SLC44A2: variants seen among roughly 807,000 people sequenced by gnomAD.
SLC44A2 encodes solute carrier family 44 member 2 (CTL2 blood group).
In SLC44A2, 57 loss-of-function variants were observed where a neutral mutation model predicts 90.8. The observed-to-expected ratio is 0.63, with a 90% confidence interval of 0.51 to 0.78. The LOEUF is 0.78. SLC44A2 is among the 30% of genes least tolerant of loss of function. SLC44A2 has a pLI of 0.00. For synonymous variants in SLC44A2, 355 were observed against 360.7 expected (o/e 0.98, Z 0.18); for missense variants, 794 against 919.7 (o/e 0.86, Z 1.77).
chr19:10,643,455 C>T lies in SLC44A2; in HGVS notation c.*70C>T, dbSNP rs2067139897. On this transcript the variant is annotated 3_prime_UTR_variant, in exon 22 of 22. Coordinates refer to ENST00000335757, the MANE Select transcript of SLC44A2 (RefSeq NM_020428.4). ...TGCTCAGTAGCTGGGTCTGTTCCCC[C>T]AGCCCCTTGGGCTCACCTGAAGTCC... The T allele has an allele frequency of 9.8e-6, 15 of 1,537,148 alleles. No homozygotes were observed. The highest frequency in any genetic ancestry group is 1.7e-4 in the Middle Eastern group (1 of 5,764).
chr19:10,634,878 T>C lies in SLC44A2; in HGVS notation c.946T>C (p.Leu316=). ...GTACCTGCACTTACGGCAGACCTGG[T>C]TGGCCTTTAGTGAGTCACAGTCTCC... ...RVYLHLRQTW[L]AFMIILSILE... is the part of the protein sequence containing the mutation. Residue 316 remains leucine (L), a synonymous_variant, in exon 11 of 22, where the codon TTG becomes CTG. Coordinates refer to ENST00000335757, the MANE Select transcript of SLC44A2 (RefSeq NM_020428.4). 2.5e-6 allele frequency: 4 copies of C among 1,614,192 alleles called. No individual in the cohort carries two copies. The highest frequency in any genetic ancestry group is 1.6e-4 in the Middle Eastern group (1 of 6,062).
chr19:10,619,450 T>G (rs542777597), intron 1 of SLC44A2, among the ~76,000 whole-genome samples: 250 of 150,084 alleles, frequency 1.7e-3, no homozygotes, highest in Non-Finnish European at 2.6e-3. Context: ...AAAAAGTGTT[T>G]TTTTTTTTTT....
At position 10,640,311 on chromosome 19, in the gene SLC44A2, G is replaced by A. The variant is rs1018150704; in HGVS notation, c.1929+1996G>A. On this transcript the variant is annotated intron_variant, in intron 20 of 21. Transcript: ENST00000335757. ...TCACCCTGTTGGTCAGGCTGGTCTC[G>A]AACTCCTGACCTCAGGTGATCCACC... Among the ~76,000 whole-genome samples, 20 of 152,090 alleles carry A rather than the reference G, an allele frequency of 1.3e-4. No individual in the cohort carries two copies. The East Asian group carries it at 3.3e-3, about 25-fold the overall frequency.
intron 1 of SLC44A2, among the ~76,000 whole-genome samples, chr19:10,616,663 A>G (rs960283795): frequency 5.9e-5 from 9 of 151,882 alleles, no homozygotes; most frequent in Non-Finnish European, 1.2e-4. Flanking sequence ...TCAGGAGTTC[A>G]AGACCAGCCT....
chr19:10,625,075 G>A (rs2066919359), upstream of SLC44A2, among the ~76,000 whole-genome samples: 1 of 152,062 alleles, frequency 6.6e-6, no homozygotes, highest in South Asian at 2.1e-4. Context: ...TCGAGACTGC[G>A]ATGAGCTGTG....
At chr19:10,625,716 C>A in intron 1 of SLC44A2, 46 bp downstream of exon 1, 2 of 1,231,504 alleles carry the variant, frequency 1.6e-6, no homozygotes, top group Non-Finnish European at 2.0e-6. Context: ...CCCCTCGGTC[C>A]CTCGGAGGGG....
At chr19:10,624,548 CT>C (rs773739272), upstream of SLC44A2, among the ~76,000 whole-genome samples, 61 of 152,366 alleles carry the variant, frequency 4.0e-4, no homozygotes, top group Non-Finnish European at 6.2e-4. Flanking sequence ...CTGCCTCAGC[CT>C]CCCAGAGTGC....
intron 1 of SLC44A2, among the ~76,000 whole-genome samples, chr19:10,604,213 G>T (rs540069152): frequency 6.6e-6 from 1 of 152,312 alleles, no homozygotes; most frequent in Non-Finnish European, 1.5e-5. Flanking sequence ...AGAACAAGAC[G>T]TCGTGTGATC....
In SLC44A2 at chr19:10,636,541, C is replaced by T. The variant is rs770594295; in HGVS notation, c.1452C>T (p.Asp484=). Residue 484 remains aspartate, a synonymous_variant, in exon 15 of 22, where the codon GAC becomes GAT. Transcript: ENST00000335757. ...SYYWALRKPD[D]LPAFPLFSAF... is the part of the protein sequence containing the mutation. Reference sequence around the variant, plus strand: ...ACTGGGCCCTGCGCAAGCCGGACGACCTGCCGGCCTTCCCGCTCTTCTCTG... The same window carrying T: ...ACTGGGCCCTGCGCAAGCCGGACGATCTGCCGGCCTTCCCGCTCTTCTCTG... 5.0e-6 allele frequency: 8 copies of T among 1,608,642 alleles called. No individual in the cohort carries two copies. In the Admixed American group the frequency reaches 1.2e-4, roughly 23 times the overall value.
chr19:10,606,714 G>A (rs1195209561), intron 1 of SLC44A2, among the ~76,000 whole-genome samples: 1 of 151,898 alleles, frequency 6.6e-6, no homozygotes, highest in African/African-American at 2.4e-5. Context: ...GGGAGGCTGA[G>A]ACAGGAGAAT....
At chr19:10,634,714 C>T (rs1443892398) in intron 10 of SLC44A2, 42 bp from the exon 11 acceptor site, 3 of 1,611,782 alleles carry the variant, frequency 1.9e-6, no homozygotes, top group South Asian at 1.1e-5. Flanking sequence ...TGCAAAGTTG[C>T]AGGAGGCACT....
At chr19:10,604,169 G>A (rs1434322746) in intron 1 of SLC44A2, among the ~76,000 whole-genome samples, 1 of 152,202 alleles carries the variant, frequency 6.6e-6, no homozygotes, top group African/African-American at 2.4e-5. Context: ...GGGAAGGAAT[G>A]TGTAATTTTA....
chr19:10,636,709 T>C lies in SLC44A2; in HGVS notation c.1544T>C (p.Val515Ala). 2 of 1,614,022 alleles carry C rather than the reference T, an allele frequency of 1.2e-6. No individual in the cohort carries two copies. Among genetic ancestry groups the C allele is most frequent in the Admixed American group, 1.7e-5 (1 of 59,984 alleles). Residue 515 changes from valine to alanine, a missense_variant, in exon 16 of 22, where the codon GTG (valine) becomes GCG (alanine). Transcript: ENST00000335757. ...TTTGGCGCGCTCATCCTGGCCATTG[T>C]GCAGATCATCCGTGTGATACTCGAG... ...LAFGALILAI[V>A]QIIRVILEYL...
At position 10,636,376 on chromosome 19, in the gene SLC44A2, CGCCTTCT is replaced by C; in HGVS notation, c.1288_1294del (p.Ala430ThrfsTer89). 1 of 1,613,994 alleles carries C rather than the reference CGCCTTCT, an allele frequency of 6.2e-7. No individual in the cohort carries two copies. The highest frequency in any genetic ancestry group is 8.5e-7 in the Non-Finnish European group (1 of 1,179,998). On this transcript the variant is annotated frameshift_variant, in exon 15 of 22. Transcript: ENST00000335757. LOFTEE classifies it high-confidence loss of function. ...AATGCCCCAATGCCCGTTGCCAGTT[CGCCTTCT>C]ACGGTGGTGAGTCGGGCTACCACCG... is the stretch of plus-strand genomic sequence containing the variant.
chr19:10,642,685 G>A lies in SLC44A2; in HGVS notation c.2014+234G>A, dbSNP rs145868847. On this transcript the variant is annotated intron_variant, in intron 21 of 21. Coordinates refer to ENST00000335757, the MANE Select transcript of SLC44A2 (RefSeq NM_020428.4). ...CAGCCTGGACGCTGCCCTGGAGCCC[G>A]CCCGCGCTTCGCAGTTTCTGGCTTT... 5.3e-4 allele frequency among the ~76,000 whole-genome samples: 80 copies of A among 152,256 alleles called. No homozygotes were observed. The East Asian group carries it at 0.012, about 23-fold the overall frequency.
intron 4 of SLC44A2, 100 bp from the exon 5 acceptor site, chr19:10,630,957 A>G (rs2066987459): frequency 2.2e-6 from 2 of 904,198 alleles, no homozygotes; most frequent in East Asian, 5.0e-5. Context: ...GTGAGCCGAG[A>G]TCACACCATT....
At chr19:10,612,565 C>T (rs1244064432) in intron 1 of SLC44A2, among the ~76,000 whole-genome samples, 1 of 152,180 alleles carries the variant, frequency 6.6e-6, no homozygotes, top group African/African-American at 2.4e-5. Flanking sequence ...TCCCCAGGCA[C>T]AGACTTCTGG....
At chr19:10,630,970 A>G (rs1307707670) in intron 4 of SLC44A2, 87 bp from the exon 5 acceptor site, 12 of 1,023,014 alleles carry the variant, frequency 1.2e-5, no homozygotes, top group African/African-American at 1.6e-5. Context: ...ACACCATTGC[A>G]CTCCATCCTG....
chr19:10,616,264 T>C (rs948105775), intron 1 of SLC44A2, among the ~76,000 whole-genome samples: 1 of 152,074 alleles, frequency 6.6e-6, no homozygotes, highest in Non-Finnish European at 1.5e-5. Context: ...AGGGTCTCAT[T>C]CTGTTTCCCA....
Sources: allele counts gnomAD v4.1 joint callset (sites outside exome capture counted in the v4.1 genomes callset), GRCh38; gene constraint gnomAD v4.1.1; transcripts MANE v1.5; gene names NCBI Gene and HGNC (gene_info 2026-07-23, HGNC 2026-07-21).